NETO1: variants seen among roughly 807,000 people sequenced by gnomAD.
The protein encoded by NETO1 is neuropilin and tolloid-like protein 1.
Under a neutral mutation model 61.3 loss-of-function variants are expected in NETO1, and 26 were observed. The observed-to-expected ratio is 0.42, with a 90% confidence interval of 0.31 to 0.59. The LOEUF is 0.59. Among genes scored for constraint, NETO1 ranks in the 20% least tolerant of loss-of-function variants. The pLI is 0.12. For synonymous variants in NETO1, 225 were observed against 225.8 expected, an observed-to-expected ratio of 1.00 and a Z score of 0.03; for missense variants, 531 against 662.8, an observed-to-expected ratio of 0.80 and a Z score of 2.18.
chr18:72,760,202 G>T (rs1265039340), intron 7 of NETO1, among the ~76,000 whole-genome samples: 1 of 152,148 alleles, frequency 6.6e-6, no homozygotes, highest in African/African-American at 2.4e-5. Context: ...ATTCTAGTCA[G>T]CCAAAATAAT....
Position 72,859,059 on chromosome 18 carries a change from C to G in NETO1, c.236G>C (p.Cys79Ser). 1 of 1,612,820 alleles carries G rather than the reference C, an allele frequency of 6.2e-7. No homozygotes were observed. The highest frequency in any genetic ancestry group is 8.5e-7 in the Non-Finnish European group (1 of 1,179,450). Residue 79 changes from cysteine to serine, a missense_variant, in exon 4 of 11, where the codon TGC becomes TCC. Coordinates refer to ENST00000327305, the MANE Select transcript of NETO1 (RefSeq NM_138966.5). Reference sequence around the variant, plus strand: ...CTTTTCATCAAAGTAAAGTTCAATGCACTGTCTTGGAGCGGCTGTAAAGAA... The same window carrying G: ...CTTTTCATCAAAGTAAAGTTCAATGGACTGTCTTGGAGCGGCTGTAAAGAA... The part of the protein sequence containing the change: ...IYIIEAAPRQ[C>S]IELYFDEKYS...
At position 72,859,109 on chromosome 18, in the gene NETO1, T is replaced by C. The variant is rs1233124625; in HGVS notation, c.221-35A>G. On this transcript the variant is annotated intron_variant, in intron 3 of 10. Transcript: ENST00000327305. ...AGAAAGATTGTGTCTAGGAGGTCAT[T>C]TCTTACATCTTCAGGTTGATGTTTT... 3 of 1,536,150 alleles carry C rather than the reference T, an allele frequency of 2.0e-6. No homozygotes were observed. The African/African-American group carries it at 4.2e-5, about 21-fold the overall frequency.
At chr18:72,758,542 G>A (rs780262438) in intron 7 of NETO1, among the ~76,000 whole-genome samples, 12 of 152,050 alleles carry the variant, frequency 7.9e-5, no homozygotes, top group Non-Finnish European at 1.8e-4. Context: ...ATATGGTTAA[G>A]AAGCAATGTA....
intron 6 of NETO1, among the ~76,000 whole-genome samples, chr18:72,786,900 C>A (rs1441752259): frequency 2.7e-5 from 4 of 150,056 alleles, no homozygotes; most frequent in Non-Finnish European, 4.4e-5. Flanking sequence ...GGCGACAGAG[C>A]GAGACCCCAT....
chr18:72,848,146 T>G (rs2074144413), intron 4 of NETO1, among the ~76,000 whole-genome samples: 1 of 152,168 alleles, frequency 6.6e-6, no homozygotes, highest in African/African-American at 2.4e-5. Context: ...TATCATCAAG[T>G]CAACTTGATG....
At chr18:72,856,384 C>T (rs59782777) in intron 4 of NETO1, among the ~76,000 whole-genome samples, 40,412 of 152,000 alleles carry the variant, frequency 0.27, 5,898 homozygotes, top group East Asian at 0.63. Flanking sequence ...ATTTCAGGAA[C>T]TGTTTTTAAG....
intron 6 of NETO1, among the ~76,000 whole-genome samples, chr18:72,790,546 A>G (rs1026875789): frequency 3.9e-5 from 6 of 151,994 alleles, no homozygotes; most frequent in Admixed American, 3.9e-4. Flanking sequence ...CTGTGCCAAA[A>G]TATTACTTGA....
rs765901115 is a variant in NETO1 at position 72,750,221 on chromosome 18, T to C, written c.1382A>G (p.Gln461Arg). 6.2e-7 allele frequency: 1 copy of C among 1,614,100 alleles called. No homozygotes were observed. The highest frequency in any genetic ancestry group is 8.5e-7 in the Non-Finnish European group (1 of 1,179,982). ...DASILTEMPT[Q>R]PGKPLIPPMN... The stretch of plus-strand genomic sequence containing the variant: ...GGGTGGGATGAGGGGTTTTCCTGGC[T>C]GTGTGGGCATCTCTGTCAAGATAGA... Residue 461 changes from glutamine to arginine, a missense_variant, in exon 9 of 11, where the codon CAG (glutamine) becomes CGG (arginine). By Grantham distance (43) the Gln-to-Arg change is conservative (BLOSUM62 1). Transcript: ENST00000327305.
At chr18:72,788,337 T>G (rs2071991900) in intron 6 of NETO1, among the ~76,000 whole-genome samples, 1 of 152,116 alleles carries the variant, frequency 6.6e-6, no homozygotes, top group African/African-American at 2.4e-5. Flanking sequence ...AAAGAGAATA[T>G]ACTTTACTGG....
intron 4 of NETO1, among the ~76,000 whole-genome samples, chr18:72,838,468 T>G (rs1349106122): frequency 6.6e-6 from 1 of 152,200 alleles, no homozygotes; most frequent in Admixed American, 6.5e-5. Context: ...CCACTTGGCT[T>G]GTAGGTAACT....
chr18:72,807,550 G>A (rs934582797), intron 4 of NETO1, among the ~76,000 whole-genome samples: 1 of 152,128 alleles, frequency 6.6e-6, no homozygotes, highest in South Asian at 2.1e-4. Flanking sequence ...CATTAAGTAG[G>A]CTTTTACAAT....
At chr18:72,794,458 T>G in intron 4 of NETO1, 54 bp from the exon 5 acceptor site, 1 of 1,519,832 alleles carries the variant, frequency 6.6e-7, no homozygotes, top group Non-Finnish European at 8.9e-7. Context: ...TTACTTACAG[T>G]GAGTTTAAGT....
At chr18:72,773,249 C>T (rs1287171369) in intron 7 of NETO1, among the ~76,000 whole-genome samples, 1 of 152,060 alleles carries the variant, frequency 6.6e-6, no homozygotes, top group East Asian at 1.9e-4. Context: ...CTCTCAAGTT[C>T]TTCAATTTTA....
At chr18:72,787,446 A>T (rs999446189) in intron 6 of NETO1, among the ~76,000 whole-genome samples, 3 of 152,144 alleles carry the variant, frequency 2.0e-5, no homozygotes, top group African/African-American at 7.2e-5. Context: ...ATACAAAAAA[A>T]AGCTATTAGA....
chr18:72,766,362 T>C (rs1045901784), intron 7 of NETO1, among the ~76,000 whole-genome samples: 2 of 151,910 alleles, frequency 1.3e-5, no homozygotes, highest in East Asian at 1.9e-4. Flanking sequence ...ACAATTTTTT[T>C]CCAAAACAAA....
At position 72,867,285 on chromosome 18, in the gene NETO1, G is replaced by A. The variant is rs2074770752; in HGVS notation, c.7C>T (p.His3Tyr). 10 of 1,573,126 alleles carry A rather than the reference G, an allele frequency of 6.4e-6. No homozygotes were observed. The highest frequency in any genetic ancestry group is 1.7e-4 in the Middle Eastern group (1 of 6,004). The change falls in exon 1 of 11, where the codon CAT becomes TAT. Residue 3 changes from histidine to tyrosine, a missense_variant. By Grantham distance (83) the His-to-Tyr change is moderately conservative (BLOSUM62 2). Transcript: ENST00000327305. MIHGRSVLHIVAS... is the reference protein window; with the variant it reads MIYGRSVLHIVAS... ...TCACTGTGAAGCACGCTGCGCCCAT[G>A]GATCATGTCTGTGCGTTACACCAGA...
intron 4 of NETO1, among the ~76,000 whole-genome samples, chr18:72,802,171 AC>A (rs1021715807): frequency 1.4e-4 from 18 of 131,516 alleles, no homozygotes; most frequent in Middle Eastern, 9.3e-3. Context: ...AAAAAAAAAA[AC>A]AGTATATTTT....
At chr18:72,806,716 C>G (rs2072685498) in intron 4 of NETO1, among the ~76,000 whole-genome samples, 1 of 152,168 alleles carries the variant, frequency 6.6e-6, no homozygotes, top group Non-Finnish European at 1.5e-5. Context: ...ACTGTCCACT[C>G]ACTCTTCCTT....
At chr18:72,841,115 T>C (rs2073916489) in intron 4 of NETO1, among the ~76,000 whole-genome samples, 1 of 152,192 alleles carries the variant, frequency 6.6e-6, no homozygotes, top group South Asian at 2.1e-4. Context: ...AGGAGGAAGC[T>C]GAAGCCAGGC....
Sources: allele counts gnomAD v4.1 joint callset (sites outside exome capture counted in the v4.1 genomes callset), GRCh38; gene constraint gnomAD v4.1.1; transcripts MANE v1.5; gene names NCBI Gene and HGNC (gene_info 2026-07-23, HGNC 2026-07-21).